ERC1: variants seen among roughly 807,000 people sequenced by gnomAD.
ERC1 encodes RAB6 interacting protein 2.
Under a neutral mutation model 132.0 loss-of-function variants are expected in ERC1, and 56 were observed. The ratio of observed to expected loss-of-function variants is 0.42; its 90% confidence interval spans 0.34 to 0.53. ERC1 has a LOEUF of 0.53. Ranked by LOEUF, ERC1 falls within the 20% of genes least tolerant of loss-of-function variation. The pLI, the probability that ERC1 is intolerant of heterozygous loss-of-function variation, is 0.03. For synonymous variants in ERC1, 478 were observed against 476.1 expected (o/e 1.00, Z -0.05); for missense variants, 1,202 against 1,349.9 (o/e 0.89, Z 1.72).
chr12:1,346,914 A>G (rs2084521591), intron 15 of ERC1, among the ~76,000 whole-genome samples: 1 of 139,756 alleles, frequency 7.2e-6, no homozygotes, highest in African/African-American at 2.7e-5. Context: ...TGCAGTCCGC[A>G]GTCCGGCCTG....
At chr12:1,479,310 A>G (rs1161203365) in intron 18 of ERC1, among the ~76,000 whole-genome samples, 1 of 152,072 alleles carries the variant, frequency 6.6e-6, no homozygotes, top group Non-Finnish European at 1.5e-5. Flanking sequence ...GTCTATTCAC[A>G]TACACACCTG....
chr12:1,399,358 C>T (rs549814416), intron 16 of ERC1, among the ~76,000 whole-genome samples: 2 of 152,246 alleles, frequency 1.3e-5, no homozygotes, highest in South Asian at 2.1e-4. Flanking sequence ...ATGCAATTTA[C>T]CCGTTTAAAA....
In ERC1 at chr12:1,493,436, A is replaced by G. The variant is rs1134345; in HGVS notation, c.*3206A>G. ...CGTACGCCTGTAATCCCAGCTACTC[A>G]GGAGGCAGGAGAATCGCTTGAGCCT... On this transcript the variant is annotated 3_prime_UTR_variant, in exon 19 of 19. Coordinates refer to ENST00000360905, the MANE Select transcript of ERC1 (RefSeq NM_178040.4). 79,599 of 157,890 alleles carry G rather than the reference A, an allele frequency of 0.5. 22,118 individuals are homozygous for G. The highest frequency in any genetic ancestry group is 0.63 in the Non-Finnish European group (45,383 of 72,240). 9.8% of individuals were successfully genotyped at this position (157,890 alleles called of 1,614,324 possible).
chr12:1,241,037 C>T (rs770548143), intron 13 of ERC1, among the ~76,000 whole-genome samples: 3 of 152,006 alleles, frequency 2.0e-5, no homozygotes, highest in Non-Finnish European at 4.4e-5. Flanking sequence ...AAATTGTACC[C>T]AATTTGGTGA....
chr12:1,451,148 A>C (rs1047935487), intron 18 of ERC1, among the ~76,000 whole-genome samples: 11 of 152,210 alleles, frequency 7.2e-5, no homozygotes, highest in African/African-American at 2.4e-4. Context: ...TTCGATGCAC[A>C]CATTTTTTTA....
chr12:1,270,802 A>G (rs1382027857), intron 14 of ERC1, among the ~76,000 whole-genome samples: 2 of 151,848 alleles, frequency 1.3e-5, no homozygotes, highest in Non-Finnish European at 2.9e-5. Context: ...ATTTTTATTG[A>G]GAAAAGTACA....
chr12:1,050,622 T>TA (rs1249361289), intron 2 of ERC1, among the ~76,000 whole-genome samples: 1 of 152,200 alleles, frequency 6.6e-6, no homozygotes, highest in Non-Finnish European at 1.5e-5. Flanking sequence ...TTTAGTAATT[T>TA]AAAAAATTGA....
intron 16 of ERC1, among the ~76,000 whole-genome samples, chr12:1,384,583 C>T (rs2089104666): frequency 6.6e-6 from 1 of 151,916 alleles, no homozygotes; most frequent in Non-Finnish European, 1.5e-5. Flanking sequence ...CTTAACAGCT[C>T]ATAGAGATGA....
intron 15 of ERC1, among the ~76,000 whole-genome samples, chr12:1,315,477 A>G (rs1203057586): frequency 1.3e-5 from 2 of 151,598 alleles, no homozygotes; most frequent in Non-Finnish European, 2.9e-5. Context: ...CAGCCTCCCA[A>G]GTATCTGGGA....
At chr12:1,054,075 AAG>A (rs1296927080) in intron 2 of ERC1, among the ~76,000 whole-genome samples, 3 of 152,214 alleles carry the variant, frequency 2.0e-5, no homozygotes, top group Non-Finnish European at 4.4e-5. Context: ...TTCAGAAAAA[AAG>A]AGAGGTTATT....
In ERC1 at chr12:1,271,080, C is replaced by T. The variant is rs543240305; in HGVS notation, c.2619+7915C>T. ...AGATCTTTGCAACTCTTTAAATTTT[C>T]GACGTAAAACATTTATATATCAAGT... On this transcript the variant is annotated intron_variant, in intron 14 of 18. Coordinates refer to ENST00000360905, the MANE Select transcript of ERC1 (RefSeq NM_178040.4). Among the ~76,000 whole-genome samples the T allele has an allele frequency of 8.2e-4, 124 of 151,922 alleles. 1 individual carries two copies. The highest frequency in any genetic ancestry group is 2.8e-3 in the African/African-American group (118 of 41,414).
intron 18 of ERC1, among the ~76,000 whole-genome samples, chr12:1,465,344 T>G (rs934732460): frequency 6.6e-6 from 1 of 152,206 alleles, no homozygotes; most frequent in Non-Finnish European, 1.5e-5. Flanking sequence ...TCTTCCAAAC[T>G]TTTAAATTGT....
intron 13 of ERC1, among the ~76,000 whole-genome samples, chr12:1,260,033 C>T (rs2077048342): frequency 6.6e-6 from 1 of 152,146 alleles, no homozygotes; most frequent in Admixed American, 6.5e-5. Flanking sequence ...TCACCACTCA[C>T]CTATGGTAGA....
chr12:1,164,000 C>T (rs1425475947), intron 8 of ERC1, among the ~76,000 whole-genome samples: 1 of 152,204 alleles, frequency 6.6e-6, no homozygotes, highest in Non-Finnish European at 1.5e-5. Context: ...CGGGCCTCAG[C>T]CACCATGTCT....
At chr12:1,403,068 T>C (rs1162048914) in intron 16 of ERC1, among the ~76,000 whole-genome samples, 1 of 152,242 alleles carries the variant, frequency 6.6e-6, no homozygotes, top group Non-Finnish European at 1.5e-5. Flanking sequence ...TTTTGGACAT[T>C]GACATTTTTG....
chr12:1,121,747 C>G lies in ERC1; in HGVS notation c.1569+5714C>G, dbSNP rs1342524685. 5.4e-3 allele frequency among the ~76,000 whole-genome samples: 29 copies of G among 5,370 alleles called. 1 individual carries two copies. The highest frequency in any genetic ancestry group is 0.019 in the South Asian group (1 of 54). The allele number at this position is 5,370 out of a possible 152,430, so 3.5% of individuals were successfully genotyped here. On this transcript the variant is annotated intron_variant, in intron 7 of 18. Coordinates refer to ENST00000360905, the MANE Select transcript of ERC1 (RefSeq NM_178040.4). ...TATCTCTATCTCTATCTCTATCTAT[C>G]TCTATCTCTATCTCTATCTATCTCT...
At chr12:1,411,201 G>T (rs1351847052) in intron 17 of ERC1, among the ~76,000 whole-genome samples, 2 of 152,142 alleles carry the variant, frequency 1.3e-5, no homozygotes, top group African/African-American at 4.8e-5. Flanking sequence ...AGCCGTGGCA[G>T]TATCTCCCTT....
chr12:1,263,100 A>C lies in ERC1; in HGVS notation c.2554A>C (p.Ile852Leu). Residue 852 changes from isoleucine to leucine, a missense_variant, in exon 14 of 19, where the codon ATA (isoleucine) becomes CTA (leucine). Coordinates refer to ENST00000360905, the MANE Select transcript of ERC1 (RefSeq NM_178040.4). The stretch of plus-strand genomic sequence containing the variant: ...AGAAGCACTAAGAGAAAGTGTACAG[A>C]TAACTGCAGAGCGGGAAATGGTGCT... ...LEEALRESVQ[I>L]TAEREMVLAQ... 1.2e-6 allele frequency: 2 copies of C among 1,614,118 alleles called. No individual in the cohort carries two copies. Among genetic ancestry groups the C allele is most frequent in the South Asian group, 2.2e-5 (2 of 91,084 alleles).
intron 13 of ERC1, among the ~76,000 whole-genome samples, chr12:1,254,475 A>G (rs1464033361): frequency 2.0e-5 from 3 of 152,092 alleles, no homozygotes; most frequent in African/African-American, 7.2e-5. Flanking sequence ...CAACCTAATA[A>G]TTCCCCTTTG....
Sources: allele counts gnomAD v4.1 joint callset (sites outside exome capture counted in the v4.1 genomes callset), GRCh38; gene constraint gnomAD v4.1.1; transcripts MANE v1.5; gene names NCBI Gene and HGNC (gene_info 2026-07-23, HGNC 2026-07-21).